The following MEIKIN variants were observed in gnomAD, a reference collection of about 807,000 sequenced individuals.
MEIKIN encodes the protein meiotic kinetochore factor, also known as meiosis-specific kinetochore protein.
intron 11 of MEIKIN, among the ~76,000 whole-genome samples, chr5:131,837,230 C>T (rs1561727618): frequency 5.9e-5 from 9 of 151,466 alleles, no homozygotes; most frequent in Non-Finnish European, 1.5e-5. Flanking sequence ...TTGGTCTATT[C>T]GTGCCAGTAC....
chr5:131,934,787 G>A (rs569095753), intron 4 of MEIKIN, among the ~76,000 whole-genome samples: 2 of 152,354 alleles, frequency 1.3e-5, no homozygotes, highest in East Asian at 3.9e-4. Context: ...GCTGGGTGCA[G>A]TGGCTCATGC....
chr5:131,871,406 T>C (rs921862755), intron 9 of MEIKIN, among the ~76,000 whole-genome samples: 2 of 152,158 alleles, frequency 1.3e-5, no homozygotes, highest in Admixed American at 6.5e-5. Context: ...ATTGCTAGCA[T>C]AGCAGACTGA....
chr5:131,811,688 G>T (rs1326620571), intron 12 of MEIKIN, among the ~76,000 whole-genome samples: 1 of 151,836 alleles, frequency 6.6e-6, no homozygotes, highest in Non-Finnish European at 1.5e-5. Flanking sequence ...CTCACTGCCA[G>T]CTCTGCCTCC....
At chr5:131,838,112 A>C (rs1053362982) in intron 11 of MEIKIN, among the ~76,000 whole-genome samples, 2 of 152,190 alleles carry the variant, frequency 1.3e-5, no homozygotes, top group Non-Finnish European at 2.9e-5. Flanking sequence ...TATTGAGATA[A>C]TAACATGGCT....
chr5:131,938,763 T>G (rs1278084284), intron 4 of MEIKIN, among the ~76,000 whole-genome samples: 2 of 152,244 alleles, frequency 1.3e-5, no homozygotes, highest in African/African-American at 4.8e-5. Context: ...TTTAAAAGAT[T>G]TTTCTTGTAT....
At chr5:131,836,180 A>C (rs1749802956) in intron 11 of MEIKIN, among the ~76,000 whole-genome samples, 1 of 152,188 alleles carries the variant, frequency 6.6e-6, no homozygotes, top group African/African-American at 2.4e-5. Flanking sequence ...GGTTGCTAAG[A>C]ATAATGGCCT....
chr5:131,885,321 T>C (rs1203830931), intron 8 of MEIKIN, among the ~76,000 whole-genome samples: 1 of 133,554 alleles, frequency 7.5e-6, no homozygotes, highest in Non-Finnish European at 1.6e-5. Context: ...CACCCCCAGC[T>C]GCAGGCCACT....
chr5:131,819,912 A>G (rs1580857920), intron 11 of MEIKIN, among the ~76,000 whole-genome samples: 1 of 144,444 alleles, frequency 6.9e-6, no homozygotes, highest in South Asian at 2.3e-4. Context: ...AGTAGCTGGG[A>G]CTACAGGCGC....
At chr5:131,894,173 TG>T (rs1750991722) in intron 8 of MEIKIN, among the ~76,000 whole-genome samples, 1 of 152,200 alleles carries the variant, frequency 6.6e-6, no homozygotes, top group African/African-American at 2.4e-5. Context: ...CCCCATTGCT[TG>T]TTTTTCTCAG....
intron 3 of MEIKIN, 185 bp downstream of exon 3, chr5:131,944,480 A>G (rs1751927229): frequency 2.6e-6 from 1 of 388,860 alleles, no homozygotes; most frequent in Non-Finnish European, 4.5e-6. Flanking sequence ...ATGCATGACT[A>G]TGAATCTACC....
At chr5:131,882,119 A>T (rs1178737922) in intron 8 of MEIKIN, among the ~76,000 whole-genome samples, 1 of 152,158 alleles carries the variant, frequency 6.6e-6, no homozygotes, top group Non-Finnish European at 1.5e-5. Flanking sequence ...AATTCCTGGT[A>T]TATCTGCCTG....
chr5:131,931,677 GC>G (rs1432730564), intron 5 of MEIKIN, among the ~76,000 whole-genome samples: 1 of 152,122 alleles, frequency 6.6e-6, no homozygotes, highest in Non-Finnish European at 1.5e-5. Context: ...GATGTGGCTG[GC>G]CCCATGCTTG....
chr5:131,911,756 G>A (rs962937698), intron 8 of MEIKIN, 59 bp downstream of exon 8: 13 of 394,060 alleles, frequency 3.3e-5, no homozygotes, highest in East Asian at 7.2e-5. Context: ...ACACAGAATC[G>A]TGTTTTAACA....
intron 8 of MEIKIN, among the ~76,000 whole-genome samples, chr5:131,880,529 A>G (rs914178387): frequency 1.3e-5 from 2 of 152,288 alleles, no homozygotes; most frequent in East Asian, 3.9e-4. Flanking sequence ...GGCGTAAGCC[A>G]TGATACCCGG....
At chr5:131,845,570 C>G (rs1411993982) in intron 11 of MEIKIN, among the ~76,000 whole-genome samples, 4 of 147,436 alleles carry the variant, frequency 2.7e-5, no homozygotes, top group Admixed American at 2.0e-4. Context: ...TATGTATAAA[C>G]AAAATTAAAA....
intron 9 of MEIKIN, among the ~76,000 whole-genome samples, chr5:131,874,764 G>A (rs1750580780): frequency 6.6e-6 from 1 of 152,194 alleles, no homozygotes; most frequent in Non-Finnish European, 1.5e-5. Flanking sequence ...CTGGCAAACT[G>A]AATCCAGCAG....
chr5:131,905,815 C>T (rs998042846), intron 8 of MEIKIN, among the ~76,000 whole-genome samples: 8 of 152,188 alleles, frequency 5.3e-5, no homozygotes, highest in Non-Finnish European at 1.2e-4. Flanking sequence ...GGATAACTGG[C>T]CAGCCATATG....
chr5:131,901,709 A>G (rs1044777703), intron 8 of MEIKIN, among the ~76,000 whole-genome samples: 13 of 152,150 alleles, frequency 8.5e-5, no homozygotes, highest in African/African-American at 2.9e-4. Context: ...ATTGGAGCAC[A>G]CAATCCAGAG....
At chr5:131,901,421 A>G (rs1201598616) in intron 8 of MEIKIN, among the ~76,000 whole-genome samples, 5 of 152,084 alleles carry the variant, frequency 3.3e-5, no homozygotes, top group East Asian at 1.9e-4. Context: ...CCCCTGTGCC[A>G]TGCTGCCAAC....
Sources: allele counts gnomAD v4.1 joint callset (sites outside exome capture counted in the v4.1 genomes callset), GRCh38; gene constraint gnomAD v4.1.1; transcripts MANE v1.5; gene names NCBI Gene and HGNC (gene_info 2026-07-23, HGNC 2026-07-21).